Variants in TTC28 observed in about 807,000 individuals in gnomAD.
TTC28 encodes the protein tetratricopeptide repeat domain 28.
TTC28 carries 61 observed loss-of-function variants against 198.0 expected under a neutral mutation model. The ratio of observed to expected loss-of-function variants is 0.31; its 90% CI spans 0.25 to 0.38. TTC28 has a LOEUF of 0.38. Among genes scored for constraint, TTC28 ranks in the 10% least tolerant of loss-of-function variants. The pLI, the probability that TTC28 is intolerant of heterozygous loss-of-function variation, is 1.00. For synonymous variants in TTC28, 1,171 were observed against 1,297.8 expected (o/e 0.90, Z 2.10); for missense variants, 2,678 against 3,164.0 (o/e 0.85, Z 3.69).
chr22:28,437,803 G>T (rs1418455600), intron 2 of TTC28, among the ~76,000 whole-genome samples: 1 of 152,078 alleles, frequency 6.6e-6, no homozygotes, highest in African/African-American at 2.4e-5. Flanking sequence ...ATGTTCCCTA[G>T]GCTAGACATG....
At chr22:28,553,252 T>C (rs1161178388) in intron 2 of TTC28, among the ~76,000 whole-genome samples, 1 of 149,512 alleles carries the variant, frequency 6.7e-6, no homozygotes, top group African/African-American at 2.5e-5. Flanking sequence ...CCGCCCATCG[T>C]CTGGGATGTG....
intron 12 of TTC28, among the ~76,000 whole-genome samples, chr22:28,032,294 G>GTA (rs778948919): frequency 8.9e-6 from 1 of 112,756 alleles, no homozygotes; most frequent in Non-Finnish European, 1.9e-5. Flanking sequence ...GTGTGTGTGT[G>GTA]TATATGTGTG....
chr22:28,101,783 A>T (rs1277155925), intron 8 of TTC28, among the ~76,000 whole-genome samples: 9 of 4,206 alleles, frequency 2.1e-3, no homozygotes, highest in Middle Eastern at 0.045. Flanking sequence ...CATCTCTGTT[A>T]AAAAAAAAAA....
At chr22:28,532,049 T>C (rs1398561952) in intron 2 of TTC28, among the ~76,000 whole-genome samples, 3 of 151,642 alleles carry the variant, frequency 2.0e-5, no homozygotes, top group African/African-American at 4.9e-5. Flanking sequence ...AGGCAAGAAA[T>C]AACTAAGATC....
chr22:28,383,781 T>G (rs77128842), intron 2 of TTC28, among the ~76,000 whole-genome samples: 1 of 152,218 alleles, frequency 6.6e-6, no homozygotes, highest in Non-Finnish European at 1.5e-5. Flanking sequence ...CCAATTGGAA[T>G]TGGCCTCATG....
In TTC28 at chr22:27,985,327, C is replaced by T. The variant is rs891772532; in HGVS notation, c.5737G>A (p.Glu1913Lys). The T allele has an allele frequency of 6.4e-7, 1 of 1,551,408 alleles. No homozygotes were observed. Among genetic ancestry groups the T allele is most frequent in the Non-Finnish European group, 8.7e-7 (1 of 1,146,798 alleles). ...GFDLCEVGQE[E>K]VILKTGKQAN... Reference sequence around the variant, plus strand: ...TGCTTCCCGGTTTTCAGGATTACTTCCTCCTGACCAACTTCACAGAGATCA... The same window carrying T: ...TGCTTCCCGGTTTTCAGGATTACTTTCTCCTGACCAACTTCACAGAGATCA... Residue 1913 changes from glutamate (E) to lysine (K), a missense_variant, in exon 22 of 23, where the codon GAA (glutamate) becomes AAA (lysine). Around this residue, in one of 8 missense-constraint regions of TTC28, gnomAD observed 314 missense variants for 442.7 expected, o/e 0.71. Transcript: ENST00000397906.
chr22:28,002,970 C>T lies in TTC28; in HGVS notation c.4219-1417G>A, dbSNP rs1272264758. On this transcript the variant is annotated intron_variant, in intron 14 of 22. Coordinates refer to ENST00000397906, the MANE Select transcript of TTC28 (RefSeq NM_001145418.2). Reference sequence around the variant, plus strand: ...GTGTACTCCAGCCTGGGGGACAGAGCGAGACTGTGTCTCAAAAACAACAAC... The same window carrying T: ...GTGTACTCCAGCCTGGGGGACAGAGTGAGACTGTGTCTCAAAAACAACAAC... Among the ~76,000 whole-genome samples the T allele has an allele frequency of 3.3e-5, 5 of 152,116 alleles. No individual in the cohort carries two copies. In the East Asian group the frequency reaches 5.8e-4, roughly 18 times the overall value.
At chr22:28,417,327 AG>A (rs1443816940) in intron 2 of TTC28, among the ~76,000 whole-genome samples, 8 of 143,114 alleles carry the variant, frequency 5.6e-5, no homozygotes, top group Admixed American at 3.4e-4. Context: ...AAAAAAAAAA[AG>A]GACAGGTGTG....
chr22:28,241,159 C>T (rs1929627766), intron 5 of TTC28, among the ~76,000 whole-genome samples: 1 of 152,114 alleles, frequency 6.6e-6, no homozygotes, highest in Admixed American at 6.5e-5. Flanking sequence ...TATGAAGCAC[C>T]CCAATACCAT....
Position 28,163,077 on chromosome 22 carries a change from C to T in TTC28, c.1441+15G>A, listed in dbSNP as rs998324073. 6.5e-7 allele frequency: 1 copy of T among 1,527,468 alleles called. No individual in the cohort carries two copies. 94.6% of individuals were successfully genotyped at this position (1,527,468 alleles called of 1,614,324 possible). The stretch of plus-strand genomic sequence containing the variant: ...TGACTTTGACCTGGGCTCTTACAGG[C>T]AACCCTGTTCTTACCTAGATTGGAG... On this transcript the variant is annotated intron_variant, in intron 6 of 22. Coordinates refer to ENST00000397906, the MANE Select transcript of TTC28 (RefSeq NM_001145418.2).
intron 5 of TTC28, among the ~76,000 whole-genome samples, chr22:28,281,203 A>G (rs941834489): frequency 6.6e-6 from 1 of 152,112 alleles, no homozygotes; most frequent in African/African-American, 2.4e-5. Flanking sequence ...ATCTCTGTTT[A>G]TCTTTCCGTA....
chr22:28,519,098 A>G (rs1474423998), intron 2 of TTC28, among the ~76,000 whole-genome samples: 1 of 152,216 alleles, frequency 6.6e-6, no homozygotes, highest in Non-Finnish European at 1.5e-5. Context: ...AGAAATAGTC[A>G]AAGAGAGCAG....
At chr22:28,650,844 T>C (rs1444564814) in intron 1 of TTC28, among the ~76,000 whole-genome samples, 1 of 152,192 alleles carries the variant, frequency 6.6e-6, no homozygotes, top group Non-Finnish European at 1.5e-5. Context: ...TAGTCTAACC[T>C]CTCCTCTCAT....
intron 12 of TTC28, among the ~76,000 whole-genome samples, chr22:28,046,310 G>C (rs1484127801): frequency 6.6e-6 from 1 of 152,192 alleles, no homozygotes; most frequent in Non-Finnish European, 1.5e-5. Context: ...GAGCATCAGA[G>C]AGTGCAGGTG....
In TTC28 at chr22:28,105,364, C is replaced by T. The variant is rs374579902; in HGVS notation, c.3222G>A (p.Ala1074=). The T allele has an allele frequency of 2.1e-5, 33 of 1,551,538 alleles. No individual in the cohort carries two copies. In the African/African-American group the frequency reaches 2.6e-4, roughly 12 times the overall value. The change falls in exon 8 of 23, where the codon GCG becomes GCA. Residue 1074 remains alanine (A), a synonymous_variant. Transcript: ENST00000397906. ...LSIAAQMNDL[A]AKTVSYSSLG... is the part of the protein sequence containing the mutation. ...GGCTACTATATGACACCGTCTTGGCCGCCAAGTCATTCATCTGTGCAGCAA... is the reference window on the plus strand; with the variant it reads ...GGCTACTATATGACACCGTCTTGGCTGCCAAGTCATTCATCTGTGCAGCAA...
At chr22:28,568,665 C>T (rs993847748) in intron 2 of TTC28, among the ~76,000 whole-genome samples, 5 of 152,050 alleles carry the variant, frequency 3.3e-5, no homozygotes, top group Non-Finnish European at 7.4e-5. Context: ...AAGAGCTCTA[C>T]AATGAGAATG....
intron 12 of TTC28, among the ~76,000 whole-genome samples, chr22:28,046,467 AG>A (rs1195817626): frequency 1.3e-5 from 2 of 152,222 alleles, no homozygotes; most frequent in Non-Finnish European, 1.5e-5. Context: ...AACATAGAAA[AG>A]GTACAGTATA....
intron 2 of TTC28, among the ~76,000 whole-genome samples, chr22:28,579,518 T>G (rs1385363245): frequency 6.7e-6 from 1 of 149,088 alleles, no homozygotes; most frequent in Non-Finnish European, 1.5e-5. Context: ...GTTATATGTA[T>G]AGTTATATAT....
At chr22:28,090,503 A>T (rs943519100) in intron 12 of TTC28, among the ~76,000 whole-genome samples, 2 of 152,174 alleles carry the variant, frequency 1.3e-5, no homozygotes, top group Non-Finnish European at 2.9e-5. Flanking sequence ...TGTCTTCTAT[A>T]ATATATAAAC....
Sources: gnomAD v4.1 joint callset for allele counts (sites outside exome capture counted in the v4.1 genomes callset) on GRCh38, gnomAD v4.1.1 for gene constraint, gnomAD v4.1.1 regional missense constraint, MANE v1.5 for transcripts, NCBI Gene and HGNC (gene_info 2026-07-23, HGNC 2026-07-21) for gene names.